Variants in SEL1L3 observed in about 807,000 individuals in gnomAD.
The protein encoded by SEL1L3 is protein sel-1 homolog 3.
SEL1L3 carries 76 observed loss-of-function variants against 142.8 expected under a neutral mutation model. The observed-to-expected ratio is 0.53, with a 90% CI of 0.44 to 0.64. SEL1L3 has a LOEUF of 0.64. Among genes scored for constraint, SEL1L3 ranks in the 30% least tolerant of loss-of-function variants. SEL1L3 has a pLI of 0.00. For missense variants in SEL1L3, 1,262 were observed against 1,381.7 expected, an observed-to-expected ratio of 0.91 and a Z score of 1.37; for synonymous variants, 504 against 519.6, an observed-to-expected ratio of 0.97 and a Z score of 0.41.
At chr4:25,824,963 A>G (rs994086811) in intron 6 of SEL1L3, among the ~76,000 whole-genome samples, 14 of 152,132 alleles carry the variant, frequency 9.2e-5, no homozygotes, top group African/African-American at 3.4e-4. Context: ...TTTGGAAGAA[A>G]CAGAAATTGG....
the SEL1L3 span, among the ~76,000 whole-genome samples, chr4:25,739,393 C>T: frequency 6.6e-6 from 1 of 151,928 alleles, no homozygotes; most frequent in Non-Finnish European, 1.5e-5. Context: ...GTGAATAGCA[C>T]CAACGATGAT....
At chr4:25,837,537 C>T (rs551615919) in intron 2 of SEL1L3, among the ~76,000 whole-genome samples, 119 of 151,626 alleles carry the variant, frequency 7.8e-4, no homozygotes, top group South Asian at 5.9e-3. Flanking sequence ...AAGCTCAGCC[C>T]CAAAGATCTA....
intron 9 of SEL1L3, among the ~76,000 whole-genome samples, chr4:25,815,366 C>T (rs1415388491): frequency 2.0e-5 from 3 of 152,128 alleles, no homozygotes; most frequent in Non-Finnish European, 4.4e-5. Context: ...GCGCCCATAC[C>T]CAGGGAGTCT....
intron 9 of SEL1L3, among the ~76,000 whole-genome samples, chr4:25,806,929 C>A (rs1362640746): frequency 6.6e-6 from 1 of 151,756 alleles, no homozygotes; most frequent in Non-Finnish European, 1.5e-5. Flanking sequence ...CTCAATCTTT[C>A]TTTAATAACG....
In SEL1L3 at chr4:25,819,813, T is replaced by G. The variant is rs756378354; in HGVS notation, c.1418A>C (p.Glu473Ala). ...CCCTGAAGCTCAACACTTACATGCT[T>G]CTTGTCTCTCGCCCCCGTGCTTTGC... Reference protein sequence around the residue: ...SAAKHGGERQEACHLHNSYLD... With the variant: ...SAAKHGGERQAACHLHNSYLD... The change falls in exon 8 of 24, where the codon GAA (glutamate) becomes GCA (alanine). Residue 473 changes from glutamate (E) to alanine (A), a missense_variant. By Grantham distance (107) the Glu-to-Ala change is moderately radical (BLOSUM62 -1). Transcript: ENST00000399878. The G allele has an allele frequency of 6.2e-7, 1 of 1,611,400 alleles. No individual in the cohort carries two copies. Among genetic ancestry groups the G allele is most frequent in the African/African-American group, 1.3e-5 (1 of 74,812 alleles).
At chr4:25,817,439 G>A (rs983838772) in intron 9 of SEL1L3, among the ~76,000 whole-genome samples, 2 of 152,180 alleles carry the variant, frequency 1.3e-5, no homozygotes, top group Non-Finnish European at 1.5e-5. Flanking sequence ...GATCCCTCAC[G>A]TCCCTAGAAT....
chr4:25,827,740 T>C (rs1198970950), intron 6 of SEL1L3, among the ~76,000 whole-genome samples: 2 of 152,130 alleles, frequency 1.3e-5, no homozygotes, highest in African/African-American at 2.4e-5. Flanking sequence ...ATCTCTGGGA[T>C]TGAAGAGGAA....
chr4:25,846,433 T>C (rs558873781), intron 2 of SEL1L3, among the ~76,000 whole-genome samples: 1 of 152,304 alleles, frequency 6.6e-6, no homozygotes, highest in Admixed American at 6.5e-5. Flanking sequence ...AGGAACTGCT[T>C]GTTATCCCCA....
intron 17 of SEL1L3, among the ~76,000 whole-genome samples, chr4:25,773,971 C>T (rs1032550042): frequency 3.3e-5 from 5 of 152,170 alleles, no homozygotes; most frequent in Admixed American, 2.6e-4. Context: ...CTAAGTACCC[C>T]CAGTGATCTT....
rs193244947 is a variant in SEL1L3 at position 25,765,064 on chromosome 4, G to A, written c.2955+262C>T. Among the ~76,000 whole-genome samples the A allele has an allele frequency of 1.8e-3, 275 of 152,184 alleles. 1 individual carries two copies. Among genetic ancestry groups the A allele is most frequent in the South Asian group, 2.9e-3 (14 of 4,816 alleles). On this transcript the variant is annotated intron_variant, in intron 20 of 23. Transcript: ENST00000399878. ...GGCTGGAGTGCAATGGTGTGATCAC[G>A]GCTTGCTGCAGCCTTGACTTGACAG...
chr4:25,809,434 G>A (rs1046685870), intron 9 of SEL1L3, among the ~76,000 whole-genome samples: 3 of 151,558 alleles, frequency 2.0e-5, no homozygotes, highest in Non-Finnish European at 4.4e-5. Flanking sequence ...CTTGAGCCAC[G>A]GCGCCCAGCC....
rs371746354 is a variant in SEL1L3, at chr4:25,782,432, C to T, written c.2281-14G>A. 4.4e-6 allele frequency: 7 copies of T among 1,606,732 alleles called. No homozygotes were observed. The highest frequency in any genetic ancestry group is 5.9e-6 in the Non-Finnish European group (7 of 1,176,868). Reference sequence around the variant, plus strand: ...CTGATGCAATCCCTGAATTTTGGAACAAGAAAGAAATTAACTTTAGAAAAA... The same window carrying T: ...CTGATGCAATCCCTGAATTTTGGAATAAGAAAGAAATTAACTTTAGAAAAA... On this transcript the variant is annotated splice_polypyrimidine_tract_variant and intron_variant, in intron 14 of 23. Transcript: ENST00000399878.
chr4:25,833,012 A>C lies in SEL1L3; in HGVS notation c.1081T>G (p.Ser361Ala). 6.2e-7 allele frequency: 1 copy of C among 1,601,360 alleles called. No individual in the cohort carries two copies. Among genetic ancestry groups the C allele is most frequent in the Non-Finnish European group, 8.6e-7 (1 of 1,168,524 alleles). Residue 361 changes from serine to alanine, a missense_variant, in exon 5 of 24, where the codon TCT becomes GCT. Physicochemically the swap from Ser to Ala is moderately conservative, Grantham distance 99. Around this residue, in one of 3 missense-constraint regions of SEL1L3, gnomAD observed 689 missense variants for 692.8 expected, o/e 0.99. Coordinates refer to ENST00000399878, the MANE Select transcript of SEL1L3 (RefSeq NM_015187.5). ...PLKEWFRLDI[S>A]FNGGQIVVTT... is the part of the protein sequence containing the mutation. Reference sequence around the variant, plus strand: ...ACAGATACCTGGCCTCCGTTAAAAGAGATATCCAGTCGAAACCACTCCTTC... The same window carrying C: ...ACAGATACCTGGCCTCCGTTAAAAGCGATATCCAGTCGAAACCACTCCTTC...
At chr4:25,763,705 G>A (rs6810529) in intron 20 of SEL1L3, among the ~76,000 whole-genome samples, 54,707 of 151,924 alleles carry the variant, frequency 0.36, 10,056 homozygotes, top group Middle Eastern at 0.43. Context: ...AAAATTAGCC[G>A]GACATGCACT....
chr4:25,741,949 C>T, the SEL1L3 span, among the ~76,000 whole-genome samples: 1 of 151,930 alleles, frequency 6.6e-6, no homozygotes, highest in Non-Finnish European at 1.5e-5. Context: ...GCTGGGATTA[C>T]AGGCACCTGC....
At position 25,788,393 on chromosome 4, in the gene SEL1L3, G is replaced by T; in HGVS notation, c.2077-29C>A. The T allele has an allele frequency of 2.1e-5, 34 of 1,611,428 alleles. No homozygotes were observed. The highest frequency in any genetic ancestry group is 2.7e-5 in the Non-Finnish European group (32 of 1,178,806). ...AAAGATAATAGCAATTTAGAACAATGACTTTTCCTGTATAATGCTTAACAC... is the reference window on the plus strand; with the variant it reads ...AAAGATAATAGCAATTTAGAACAATTACTTTTCCTGTATAATGCTTAACAC... On this transcript the variant is annotated intron_variant, in intron 12 of 23. Coordinates refer to ENST00000399878, the MANE Select transcript of SEL1L3 (RefSeq NM_015187.5). The surrounding 1 kb of genome is among the most constrained non-coding windows in gnomAD (Gnocchi z 5.3).
At chr4:25,782,821 G>A (rs1056161078) in intron 14 of SEL1L3, among the ~76,000 whole-genome samples, 2 of 152,078 alleles carry the variant, frequency 1.3e-5, no homozygotes, top group African/African-American at 4.8e-5. Context: ...TAGGTGATCC[G>A]CCTGCCCATC....
chr4:25,824,050 A>C (rs1431737157), intron 6 of SEL1L3, among the ~76,000 whole-genome samples: 2 of 152,342 alleles, frequency 1.3e-5, no homozygotes, highest in East Asian at 3.9e-4. Context: ...GAAGTGCTTC[A>C]GCTCCTGATA....
At chr4:25,839,074 C>G (rs769188867) in intron 2 of SEL1L3, among the ~76,000 whole-genome samples, 1 of 152,108 alleles carries the variant, frequency 6.6e-6, no homozygotes, top group Non-Finnish European at 1.5e-5. Flanking sequence ...GGGAAAGAAG[C>G]GAAGATTTCT....
Sources: gnomAD v4.1 joint callset for allele counts (sites outside exome capture counted in the v4.1 genomes callset) on GRCh38, gnomAD v4.1.1 for gene constraint, gnomAD v4.1.1 regional missense constraint, Gnocchi (gnomAD v3.1) non-coding constraint, MANE v1.5 for transcripts, NCBI Gene and HGNC (gene_info 2026-07-23, HGNC 2026-07-21) for gene names.